The following PDZD8 variants were observed in gnomAD, a reference collection of about 807,000 sequenced individuals.
PDZD8 encodes PDZ domain containing 8, also known as PDZ domain-containing protein 8.
Under a neutral mutation model 85.8 loss-of-function variants are expected in PDZD8, and 14 were observed. The observed-to-expected ratio is 0.16, with a 90% CI of 0.11 to 0.26. PDZD8 has a LOEUF of 0.26. PDZD8 is among the 10% of genes least tolerant of loss of function. PDZD8 has a pLI of 1.00. For missense variants in PDZD8, 1,197 were observed against 1,424.3 expected (o/e 0.84, Z 2.57); for synonymous variants, 592 against 568.6 (o/e 1.04, Z -0.59).
At chr10:117,339,053 A>T (rs80343408) in intron 2 of PDZD8, among the ~76,000 whole-genome samples, 32,288 of 149,786 alleles carry the variant, frequency 0.22, 3,875 homozygotes, top group Middle Eastern at 0.34. Context: ...TTTTTGATTT[A>T]AAAAAAAAGG....
At chr10:117,335,984 C>A (rs1322220996) in intron 2 of PDZD8, among the ~76,000 whole-genome samples, 1 of 152,152 alleles carries the variant, frequency 6.6e-6, no homozygotes, top group Non-Finnish European at 1.5e-5. Flanking sequence ...CAGGTTTGCA[C>A]ATTCTTTATC....
chr10:117,357,549 T>G (rs182355363), intron 1 of PDZD8, among the ~76,000 whole-genome samples: 61 of 151,874 alleles, frequency 4.0e-4, no homozygotes, highest in African/African-American at 1.4e-3. Flanking sequence ...GCAGATCACT[T>G]GAGGTCAGGA....
intron 3 of PDZD8, among the ~76,000 whole-genome samples, chr10:117,296,332 T>C (rs1843758526): frequency 6.6e-6 from 1 of 152,100 alleles, no homozygotes; most frequent in South Asian, 2.1e-4. Flanking sequence ...TACTGCATTA[T>C]TGTGAGAATT....
rs554760598 is a variant in PDZD8 at position 117,334,245 on chromosome 10, C to A, written c.995+6735G>T. ...CATGCCTGTAATGTTGGGCTTCATG[C>A]CCAGCACTTTGGGAGGTTGAAGCTG... On this transcript the variant is annotated intron_variant, in intron 2 of 4. Transcript: ENST00000334464. Among the ~76,000 whole-genome samples the A allele has an allele frequency of 8.5e-5, 13 of 152,294 alleles. No homozygotes were observed. In the East Asian group the frequency reaches 2.3e-3, roughly 27 times the overall value.
rs1443544796 is a variant in PDZD8 at position 117,277,889 on chromosome 10, TAG to T, written c.*5377_*5378del. On this transcript the variant is annotated 3_prime_UTR_variant, in exon 5 of 5. Coordinates refer to ENST00000334464, the MANE Select transcript of PDZD8 (RefSeq NM_173791.5). ...TTAGTTTTCTATGTAATCACCTACC[TAG>T]AGAGAGTTGTAAATTATATGTTAAC... 6.6e-6 allele frequency: 1 copy of T among 152,202 alleles called. No individual in the cohort carries two copies. Among genetic ancestry groups the T allele is most frequent in the Non-Finnish European group, 1.5e-5 (1 of 68,026 alleles). 9.4% of individuals were successfully genotyped at this position (152,202 alleles called of 1,614,324 possible).
intron 1 of PDZD8, among the ~76,000 whole-genome samples, chr10:117,344,348 A>G (rs1242940709): frequency 6.6e-6 from 1 of 152,216 alleles, no homozygotes; most frequent in African/African-American, 2.4e-5. Flanking sequence ...TTTCCCCAAC[A>G]AGCTCAGGGT....
intron 1 of PDZD8, among the ~76,000 whole-genome samples, chr10:117,352,402 T>A (rs1196046885): frequency 6.6e-6 from 1 of 152,148 alleles, no homozygotes; most frequent in Non-Finnish European, 1.5e-5. Context: ...TCTCAGTATG[T>A]AGTAGCAAGC....
chr10:117,319,810 T>C (rs1844198794), intron 2 of PDZD8, among the ~76,000 whole-genome samples: 1 of 152,106 alleles, frequency 6.6e-6, no homozygotes, highest in African/African-American at 2.4e-5. Context: ...AGAATGTAAA[T>C]CTGCCAACTT....
chr10:117,302,067 A>G (rs941324147), intron 3 of PDZD8, among the ~76,000 whole-genome samples: 2 of 152,260 alleles, frequency 1.3e-5, no homozygotes, highest in African/African-American at 4.8e-5. Flanking sequence ...AACAAAACAA[A>G]GAAAACACAT....
intron 1 of PDZD8, among the ~76,000 whole-genome samples, chr10:117,363,398 T>C (rs1230211038): frequency 1.3e-5 from 2 of 152,146 alleles, no homozygotes; most frequent in East Asian, 1.9e-4. Context: ...TTTTTCAAAA[T>C]AGAGATTCTT....
intron 1 of PDZD8, among the ~76,000 whole-genome samples, chr10:117,366,942 T>C (rs916778379): frequency 6.6e-6 from 1 of 152,226 alleles, no homozygotes; most frequent in African/African-American, 2.4e-5. Flanking sequence ...AGTGTTTTAT[T>C]AGCCCCACCC....
rs74636854 is a variant in PDZD8, at chr10:117,371,177, A to G, written c.872+3179T>C. Among the ~76,000 whole-genome samples the G allele has an allele frequency of 1.4e-4, 22 of 152,090 alleles. No individual in the cohort carries two copies. In the East Asian group the frequency reaches 4.2e-3, roughly 29 times the overall value. On this transcript the variant is annotated intron_variant, in intron 1 of 4. Transcript: ENST00000334464. ...GTCCCACATCATCACCAGTTTGTTTATTTATTTATTTACTTATTTATTTTG... is the reference window on the plus strand; with the variant it reads ...GTCCCACATCATCACCAGTTTGTTTGTTTATTTATTTACTTATTTATTTTG...
chr10:117,371,930 C>T (rs776771088), intron 1 of PDZD8, among the ~76,000 whole-genome samples: 13 of 152,080 alleles, frequency 8.5e-5, no homozygotes, highest in Middle Eastern at 3.2e-3. Flanking sequence ...GGCAACCGAA[C>T]AAAATCCTGT....
chr10:117,307,234 A>C (rs1479755161), intron 3 of PDZD8, among the ~76,000 whole-genome samples: 1 of 129,836 alleles, frequency 7.7e-6, no homozygotes, highest in Non-Finnish European at 1.8e-5. Flanking sequence ...AGTCTTCTTT[A>C]TAGGTTTCTA....
intron 2 of PDZD8, among the ~76,000 whole-genome samples, chr10:117,339,446 A>G (rs12414758): frequency 0.045 from 6,900 of 152,336 alleles, 324 homozygotes; most frequent in Admixed American, 0.15. Context: ...AGCAGCAGCT[A>G]GTCAACACAA....
At chr10:117,353,188 C>T (rs923140231) in intron 1 of PDZD8, among the ~76,000 whole-genome samples, 12 of 152,098 alleles carry the variant, frequency 7.9e-5, no homozygotes, top group Admixed American at 3.9e-4. Flanking sequence ...TAAAACAGTA[C>T]CTCTTGTCTT....
At chr10:117,308,775 A>G (rs1843987274) in intron 3 of PDZD8, among the ~76,000 whole-genome samples, 1 of 152,244 alleles carries the variant, frequency 6.6e-6, no homozygotes, top group South Asian at 2.1e-4. Context: ...CTGTCTTTAC[A>G]TCTCAATTTC....
chr10:117,299,507 T>C (rs1843810928), intron 3 of PDZD8, among the ~76,000 whole-genome samples: 1 of 152,136 alleles, frequency 6.6e-6, no homozygotes, highest in Non-Finnish European at 1.5e-5. Context: ...CTTTGTTTAT[T>C]TTGTTTTATT....
At chr10:117,310,868 C>T (rs1844025385) in intron 3 of PDZD8, among the ~76,000 whole-genome samples, 1 of 152,130 alleles carries the variant, frequency 6.6e-6, no homozygotes, top group East Asian at 1.9e-4. Flanking sequence ...AAAAAACACA[C>T]CAAAATGCCA....
Sources: allele counts gnomAD v4.1 joint callset (sites outside exome capture counted in the v4.1 genomes callset), GRCh38; gene constraint gnomAD v4.1.1; transcripts MANE v1.5; gene names NCBI Gene and HGNC (gene_info 2026-07-23, HGNC 2026-07-21).